Variants in CDH13 observed in about 807,000 individuals in gnomAD.
The protein encoded by CDH13 is cadherin 13, also known as cadherin-13.
CDH13 carries 24 observed loss-of-function variants against 63.8 expected under a neutral mutation model. The observed-to-expected ratio is 0.38, with a 90% CI of 0.27 to 0.53. CDH13 has a LOEUF of 0.53. Ranked by LOEUF, CDH13 falls within the 20% of genes least tolerant of loss-of-function variation. The pLI is 0.85. For missense variants in CDH13, 1,049 were observed against 903.1 expected (o/e 1.16, Z -2.07); for synonymous variants, 503 against 355.3 (o/e 1.42, Z -4.67).
intron 2 of CDH13, among the ~76,000 whole-genome samples, chr16:82,947,004 CTGTGTGTGTGTGTGTG>C (rs3223223): frequency 7.4e-5 from 10 of 134,920 alleles, no homozygotes; most frequent in East Asian, 2.3e-4. Context: ...GTGCGCACGC[CTGTGTGTGTGTGTGTG>C]TGTGTGTGTG....
intron 3 of CDH13, among the ~76,000 whole-genome samples, chr16:83,108,262 G>A (rs1049504998): frequency 2.0e-5 from 3 of 152,158 alleles, no homozygotes; most frequent in Non-Finnish European, 4.4e-5. Flanking sequence ...ACAGAGGAAG[G>A]ACCCTTAGGT....
At chr16:82,851,745 G>C (rs2039497482) in intron 1 of CDH13, among the ~76,000 whole-genome samples, 1 of 152,006 alleles carries the variant, frequency 6.6e-6, no homozygotes, top group African/African-American at 2.4e-5. Context: ...TGCTTTCCCT[G>C]TAGGCAGTAT....
chr16:82,865,636 G>A (rs2040105442), intron 2 of CDH13, among the ~76,000 whole-genome samples: 1 of 152,176 alleles, frequency 6.6e-6, no homozygotes, highest in African/African-American at 2.4e-5. Context: ...TTTCCTCCTA[G>A]GCCTCAGGGC....
intron 6 of CDH13, among the ~76,000 whole-genome samples, chr16:83,477,371 TGTG>T (rs1366301720): frequency 2.0e-5 from 3 of 152,206 alleles, no homozygotes; most frequent in East Asian, 3.8e-4. Flanking sequence ...AATTCAAGCC[TGTG>T]GTAATTTCAG....
intron 1 of CDH13, among the ~76,000 whole-genome samples, chr16:82,814,055 C>G (rs1218331031): frequency 6.6e-6 from 1 of 152,094 alleles, no homozygotes; most frequent in Admixed American, 6.6e-5. Flanking sequence ...GGTCTTGACC[C>G]TGAGGGTTTT....
chr16:83,582,189 G>C (rs1905676275), intron 7 of CDH13, among the ~76,000 whole-genome samples: 1 of 152,164 alleles, frequency 6.6e-6, no homozygotes, highest in South Asian at 2.1e-4. Context: ...CAGCATTTTA[G>C]GCTGATCAGA....
At chr16:82,977,697 G>A (rs1167150480) in intron 2 of CDH13, among the ~76,000 whole-genome samples, 1 of 152,134 alleles carries the variant, frequency 6.6e-6, no homozygotes, top group Non-Finnish European at 1.5e-5. Flanking sequence ...CATAAAAATG[G>A]ACTAATACAG....
chr16:83,264,909 T>G (rs889539148), intron 5 of CDH13, among the ~76,000 whole-genome samples: 3 of 152,206 alleles, frequency 2.0e-5, no homozygotes, highest in African/African-American at 7.2e-5. Flanking sequence ...TATTCTAGGT[T>G]TATGTTATTG....
chr16:83,396,188 C>G (rs980970626), intron 6 of CDH13, among the ~76,000 whole-genome samples: 6 of 152,196 alleles, frequency 3.9e-5, no homozygotes, highest in Non-Finnish European at 7.3e-5. Flanking sequence ...TTTATCCAGT[C>G]TATCGTTGAT....
chr16:82,735,012 C>G (rs781312896), intron 1 of CDH13, among the ~76,000 whole-genome samples: 1 of 152,184 alleles, frequency 6.6e-6, no homozygotes, highest in African/African-American at 2.4e-5. Flanking sequence ...CTCCGGAAAT[C>G]TAACTGAGAG....
At chr16:82,971,701 T>C (rs919941759) in intron 2 of CDH13, among the ~76,000 whole-genome samples, 1 of 152,236 alleles carries the variant, frequency 6.6e-6, no homozygotes, top group African/African-American at 2.4e-5. Context: ...CTAGTCGTAG[T>C]ATGGTACCAA....
chr16:83,493,851 GT>G (rs1473531179), intron 7 of CDH13, among the ~76,000 whole-genome samples: 1 of 152,244 alleles, frequency 6.6e-6, no homozygotes, highest in Non-Finnish European at 1.5e-5. Flanking sequence ...CAGTGGCAAA[GT>G]TCAGGCGTTT....
intron 2 of CDH13, among the ~76,000 whole-genome samples, chr16:82,899,531 C>G (rs1381957736): frequency 2.0e-5 from 3 of 152,038 alleles, no homozygotes; most frequent in East Asian, 1.9e-4. Context: ...TTATCTAGTA[C>G]AAGCCCTAGT....
chr16:82,796,349 G>A lies in CDH13; in HGVS notation c.46-62013G>A, dbSNP rs1191122829. Among the ~76,000 whole-genome samples the A allele has an allele frequency of 3.3e-5, 5 of 152,086 alleles. No individual in the cohort carries two copies. In the East Asian group the frequency reaches 9.6e-4, roughly 29 times the overall value. ...CAATCTCGCTCTTCTCTTCCATTTAGAACCACCTTCAACATCTCCCCAGGG... is the reference window on the plus strand; with the variant it reads ...CAATCTCGCTCTTCTCTTCCATTTAAAACCACCTTCAACATCTCCCCAGGG... On this transcript the variant is annotated intron_variant, in intron 1 of 13. Transcript: ENST00000567109.
At chr16:83,659,897 C>T (rs1248840077) in intron 8 of CDH13, among the ~76,000 whole-genome samples, 1 of 151,582 alleles carries the variant, frequency 6.6e-6, no homozygotes. Context: ...AGCAATTCTC[C>T]TGTCTCAGCC....
intron 4 of CDH13, among the ~76,000 whole-genome samples, chr16:83,170,590 G>C (rs1342206664): frequency 6.6e-6 from 1 of 152,118 alleles, no homozygotes; most frequent in Non-Finnish European, 1.5e-5. Flanking sequence ...TTGGAAGTTT[G>C]AACACAATTC....
intron 6 of CDH13, among the ~76,000 whole-genome samples, chr16:83,485,173 TG>T (rs1160823702): frequency 3.9e-5 from 6 of 152,262 alleles, no homozygotes; most frequent in Non-Finnish European, 8.8e-5. Flanking sequence ...ACAGCTAGGC[TG>T]TTTCCAAATT....
chr16:82,899,923 G>C (rs1056963576), intron 2 of CDH13, among the ~76,000 whole-genome samples: 2 of 152,144 alleles, frequency 1.3e-5, no homozygotes, highest in African/African-American at 4.8e-5. Context: ...AAGTGATTAC[G>C]AGGGCAGAGC....
chr16:83,289,025 T>C (rs969568792), intron 5 of CDH13, among the ~76,000 whole-genome samples: 1 of 152,312 alleles, frequency 6.6e-6, no homozygotes, highest in East Asian at 1.9e-4. Context: ...CACCACCTTT[T>C]TGAAATAGAA....
Sources: gnomAD v4.1 joint callset for allele counts (sites outside exome capture counted in the v4.1 genomes callset) on GRCh38, gnomAD v4.1.1 for gene constraint, MANE v1.5 for transcripts, NCBI Gene and HGNC (gene_info 2026-07-23, HGNC 2026-07-21) for gene names.